Variants in METAP1D observed in about 807,000 individuals in gnomAD.
The protein encoded by METAP1D is methionyl aminopeptidase type 1D, mitochondrial.
METAP1D carries 31 observed loss-of-function variants against 40.5 expected under a neutral mutation model. That is an observed-to-expected ratio of 0.77 (90% confidence interval 0.58 to 1.03). The LOEUF is 1.03. METAP1D is among the 50% of genes least tolerant of loss of function. The pLI is 0.00. For missense variants in METAP1D, 411 were observed against 420.7 expected, an observed-to-expected ratio of 0.98 and a Z score of 0.20; for synonymous variants, 151 against 146.4, an observed-to-expected ratio of 1.03 and a Z score of -0.22.
chr2:172,065,808 A>G (rs1690264140), intron 4 of METAP1D, 56 bp downstream of exon 4: 3 of 1,539,302 alleles, frequency 1.9e-6, no homozygotes, highest in Non-Finnish European at 2.7e-6. Context: ...TGAAGCTAAG[A>G]TCTGTAACAT....
chr2:172,000,770 A>G (rs141505474), intron 1 of METAP1D, among the ~76,000 whole-genome samples: 22 of 152,320 alleles, frequency 1.4e-4, no homozygotes, highest in African/African-American at 5.3e-4. Flanking sequence ...AGTACACGAT[A>G]CTGTGTTAAG....
intron 1 of METAP1D, among the ~76,000 whole-genome samples, chr2:172,025,299 T>C (rs1370170958): frequency 1.3e-5 from 2 of 152,112 alleles, no homozygotes; most frequent in Admixed American, 1.3e-4. Flanking sequence ...TAACTGAGAA[T>C]TTTTTTAGCT....
At chr2:172,076,894 GTA>G (rs1489869225) in intron 6 of METAP1D, among the ~76,000 whole-genome samples, 1 of 152,206 alleles carries the variant, frequency 6.6e-6, no homozygotes, top group Admixed American at 6.5e-5. Flanking sequence ...ATTCTTAATA[GTA>G]TATATGTTCT....
intron 1 of METAP1D, among the ~76,000 whole-genome samples, chr2:172,042,403 ATATG>A (rs1256885264): frequency 2.4e-5 from 1 of 41,106 alleles, no homozygotes. Flanking sequence ...ACATATATAC[ATATG>A]TATGTGTACA....
intron 1 of METAP1D, among the ~76,000 whole-genome samples, chr2:172,011,146 A>G (rs1458796011): frequency 1.3e-5 from 2 of 152,102 alleles, no homozygotes; most frequent in Non-Finnish European, 2.9e-5. Flanking sequence ...ATTTTTTAGT[A>G]TATTCAAAGA....
chr2:172,041,725 TTTATATATATATA>T lies in METAP1D; in HGVS notation c.41-19771_41-19759del, dbSNP rs1264560230. ...GTTTTAATTTCCTTACTCTAATTAT[TTTATATATATATA>T]TATATATATATATATATATATATAT... On this transcript the variant is annotated intron_variant, in intron 1 of 9. Coordinates refer to ENST00000315796, the MANE Select transcript of METAP1D (RefSeq NM_199227.3). Among the ~76,000 whole-genome samples, 5 of 39,810 alleles carry T rather than the reference TTTATATATATATA, an allele frequency of 1.3e-4. 1 individual carries two copies. The highest frequency in any genetic ancestry group is 3.7e-4 in the African/African-American group (5 of 13,386). The allele number at this position is 39,810 out of a possible 152,430, so 26.1% of individuals were successfully genotyped here.
chr2:172,046,634 GTGTC>G (rs772236848), intron 1 of METAP1D, among the ~76,000 whole-genome samples: 2 of 152,178 alleles, frequency 1.3e-5, no homozygotes, highest in Non-Finnish European at 2.9e-5. Flanking sequence ...TTATGTGAAA[GTGTC>G]TGTTAATATT....
chr2:171,999,987 C>T lies in METAP1D; in HGVS notation c.18C>T (p.Gly6=), dbSNP rs1291755944. The T allele has an allele frequency of 4.5e-6, 6 of 1,347,122 alleles. No homozygotes were observed. Among genetic ancestry groups the T allele is most frequent in the East Asian group, 3.1e-5 (1 of 32,362 alleles). 83.4% of individuals were successfully genotyped at this position (1,347,122 alleles called of 1,614,324 possible). A position where few individuals can be genotyped will look rare whatever the true frequency, so the allele number is the denominator to read the frequency against. MAAPS[G]VHLLVRRGSH... is the part of the protein sequence containing the mutation. ...ACGCCAACATGGCGGCGCCCAGTGG[C>T]GTCCACCTGCTCGTCCGCAGAGGTA... Residue 6 remains glycine (G), a synonymous_variant, in exon 1 of 10, where the codon GGC becomes GGT. Coordinates refer to ENST00000315796, the MANE Select transcript of METAP1D (RefSeq NM_199227.3).
At chr2:172,031,631 A>G (rs548977979) in intron 1 of METAP1D, among the ~76,000 whole-genome samples, 1 of 152,328 alleles carries the variant, frequency 6.6e-6, no homozygotes, top group South Asian at 2.1e-4. Flanking sequence ...CTTGGAGTAG[A>G]GTCCAGAAAA....
chr2:172,027,379 A>G (rs1227002953), intron 1 of METAP1D, among the ~76,000 whole-genome samples: 1 of 152,194 alleles, frequency 6.6e-6, no homozygotes, highest in Admixed American at 6.5e-5. Context: ...AATACTTACC[A>G]TTGTGTTCCA....
At chr2:172,073,006 C>T (rs1214405525) in intron 6 of METAP1D, among the ~76,000 whole-genome samples, 6 of 152,142 alleles carry the variant, frequency 3.9e-5, no homozygotes, top group African/African-American at 1.4e-4. Context: ...TTTACTGCTA[C>T]ATAAATGTAC....
At chr2:172,009,617 G>A (rs1417239335) in intron 1 of METAP1D, among the ~76,000 whole-genome samples, 1 of 152,150 alleles carries the variant, frequency 6.6e-6, no homozygotes, top group Non-Finnish European at 1.5e-5. Context: ...GACAGAAGTA[G>A]CATTTCTAAT....
chr2:172,057,676 G>T (rs556016618), intron 1 of METAP1D, among the ~76,000 whole-genome samples: 1 of 152,184 alleles, frequency 6.6e-6, no homozygotes, highest in Non-Finnish European at 1.5e-5. Flanking sequence ...GCCTGTGAGA[G>T]AAGTAATACA....
rs376783705 is a variant in METAP1D, at chr2:172,041,217, T to C, written c.41-20281T>C. Among the ~76,000 whole-genome samples the C allele has an allele frequency of 2.1e-3, 316 of 151,890 alleles. 2 individuals are homozygous for C. In the East Asian group the frequency reaches 0.026, roughly 13 times the overall value. Reference sequence around the variant, plus strand: ...GGCTCATTCCTGTAATCGCAGCACTTGGGGAGGACGAGGTGGGTGGACCAT... The same window carrying C: ...GGCTCATTCCTGTAATCGCAGCACTCGGGGAGGACGAGGTGGGTGGACCAT... On this transcript the variant is annotated intron_variant, in intron 1 of 9. Transcript: ENST00000315796.
At chr2:172,072,107 GA>G (rs1304513202) in intron 6 of METAP1D, among the ~76,000 whole-genome samples, 1 of 152,058 alleles carries the variant, frequency 6.6e-6, no homozygotes, top group African/African-American at 2.4e-5. Flanking sequence ...ACTAGCCTGG[GA>G]AAAAAGGATA....
chr2:172,032,914 C>T lies in METAP1D; in HGVS notation c.41-28584C>T, dbSNP rs576994736. Among the ~76,000 whole-genome samples, 3 of 152,170 alleles carry T rather than the reference C, an allele frequency of 2.0e-5. No individual in the cohort carries two copies. In the East Asian group the frequency reaches 5.8e-4, roughly 29 times the overall value. On this transcript the variant is annotated intron_variant, in intron 1 of 9. Transcript: ENST00000315796. ...CATCTCTACTAAAAATAAAAATTAG[C>T]TGAGCCTGGTGGCGGGCGTCTGTAG...
rs1559010007 is a variant in METAP1D at position 172,045,693 on chromosome 2, A to ATG, written c.41-15804_41-15803insGT. Among the ~76,000 whole-genome samples the ATG allele has an allele frequency of 1.5e-4, 11 of 71,952 alleles. 1 individual carries two copies. The highest frequency in any genetic ancestry group is 5.3e-4 in the African/African-American group (11 of 20,620). The allele number at this position is 71,952 out of a possible 152,430, so 47.2% of individuals were successfully genotyped here. On this transcript the variant is annotated intron_variant, in intron 1 of 9. Transcript: ENST00000315796. ...AAAAAAAAAAAAAAAAGGATCATTC[A>ATG]TATATATGTGTGTGTGTGTGTGTGT...
chr2:172,063,623 T>G, intron 2 of METAP1D, 88 bp from the exon 3 acceptor site: 2 of 1,002,470 alleles, frequency 2.0e-6, no homozygotes, highest in Non-Finnish European at 3.1e-6. Context: ...AGGGCAGAGC[T>G]CCATGAAGCA....
chr2:172,068,051 T>C (rs1247731739), intron 5 of METAP1D, among the ~76,000 whole-genome samples: 1 of 152,110 alleles, frequency 6.6e-6, no homozygotes, highest in African/African-American at 2.4e-5. Flanking sequence ...TTAAAGACAA[T>C]GCGATGTCCA....
Sources: gnomAD v4.1 joint callset for allele counts (sites outside exome capture counted in the v4.1 genomes callset) on GRCh38, gnomAD v4.1.1 for gene constraint, MANE v1.5 for transcripts, NCBI Gene and HGNC (gene_info 2026-07-23, HGNC 2026-07-21) for gene names.